The following MCTP2 variants were observed in gnomAD, a reference collection of about 807,000 sequenced individuals.
The protein encoded by MCTP2 is multiple C2 and transmembrane domain containing 2.
Under a neutral mutation model 111.6 loss-of-function variants are expected in MCTP2, and 132 were observed. The ratio of observed to expected loss-of-function variants is 1.18; its 90% CI spans 1.03 to 1.37. The LOEUF (loss-of-function observed/expected upper bound fraction) is 1.37, where lower values mean the gene tolerates loss of function less well. Ranked by LOEUF, MCTP2 falls within the 40% of genes most tolerant of loss-of-function variation. MCTP2 has a pLI of 0.00. For synonymous variants in MCTP2, 395 were observed against 387.7 expected, an observed-to-expected ratio of 1.02 and a Z score of -0.22; for missense variants, 1,183 against 1,067.9, an observed-to-expected ratio of 1.11 and a Z score of -1.50.
chr15:94,445,032 C>G (rs1378194325), intron 19 of MCTP2, among the ~76,000 whole-genome samples: 2 of 152,312 alleles, frequency 1.3e-5, no homozygotes, highest in African/African-American at 4.8e-5. Context: ...GTCTAGTCTA[C>G]CACTGATGTA....
At chr15:94,303,092 TTATATAGTTTATA>T (rs1482628478) in intron 2 of MCTP2, among the ~76,000 whole-genome samples, 10 of 21,148 alleles carry the variant, frequency 4.7e-4, no homozygotes, top group South Asian at 1.7e-3. Context: ...TATATATAGT[TTATATAGTTTATA>T]TATATATATA....
At chr15:94,345,710 A>G (rs1317366034) in intron 8 of MCTP2, among the ~76,000 whole-genome samples, 1 of 152,252 alleles carries the variant, frequency 6.6e-6, no homozygotes, top group African/African-American at 2.4e-5. Context: ...AGGCGCAAGA[A>G]TGCATTATTA....
At chr15:94,340,679 A>G (rs774398981) in intron 6 of MCTP2, 134 bp from the exon 7 acceptor site, 10 of 569,356 alleles carry the variant, frequency 1.8e-5, no homozygotes, top group Non-Finnish European at 2.8e-5. Flanking sequence ...TTTTCACTAA[A>G]TTTTGTGCTT....
At chr15:94,353,089 TG>T (rs1275239131) in intron 8 of MCTP2, among the ~76,000 whole-genome samples, 1 of 152,218 alleles carries the variant, frequency 6.6e-6, no homozygotes, top group East Asian at 1.9e-4. Context: ...ATACTTCTCC[TG>T]CCCTCCCTTT....
chr15:94,476,455 A>T, intron 21 of MCTP2: 1 of 289,954 alleles, frequency 3.4e-6, no homozygotes, highest in East Asian at 7.6e-5. Flanking sequence ...AGGAAAAGGC[A>T]TTTGTGAATG....
chr15:94,390,090 G>GTGTA (rs1333977961), intron 14 of MCTP2, among the ~76,000 whole-genome samples: 22 of 64,916 alleles, frequency 3.4e-4, no homozygotes, highest in African/African-American at 8.5e-4. Flanking sequence ...ATATATATAT[G>GTGTA]TATATATATA....
chr15:94,270,763 G>C (rs936104688), intron 1 of MCTP2, among the ~76,000 whole-genome samples: 1 of 152,136 alleles, frequency 6.6e-6, no homozygotes, highest in Non-Finnish European at 1.5e-5. Flanking sequence ...GTGTTTTCCT[G>C]ATGCATGATA....
Position 94,240,944 on chromosome 15 carries a change from A to C in MCTP2, c.-66+9280A>C, listed in dbSNP as rs541769633. 2.0e-5 allele frequency among the ~76,000 whole-genome samples: 3 copies of C among 152,342 alleles called. No homozygotes were observed. In the South Asian group the frequency reaches 6.2e-4, roughly 32 times the overall value. Reference sequence around the variant, plus strand: ...GAAAATTCTTGTGGTGCTATTGATTAGATCAAGGTACTTTTTTTGGTGTGT... The same window carrying C: ...GAAAATTCTTGTGGTGCTATTGATTCGATCAAGGTACTTTTTTTGGTGTGT... On this transcript the variant is annotated intron_variant, in intron 1 of 22. Coordinates refer to ENST00000357742, the MANE Select transcript of MCTP2 (RefSeq NM_001385001.1).
intron 19 of MCTP2, among the ~76,000 whole-genome samples, chr15:94,444,986 A>G (rs1246045410): frequency 6.6e-6 from 1 of 152,226 alleles, no homozygotes; most frequent in Non-Finnish European, 1.5e-5. Context: ...GGCAAGCAAC[A>G]AAATCAGGTC....
At chr15:94,392,205 A>G (rs982107923) in intron 14 of MCTP2, among the ~76,000 whole-genome samples, 2 of 151,762 alleles carry the variant, frequency 1.3e-5, no homozygotes, top group Non-Finnish European at 2.9e-5. Flanking sequence ...CCCTGTCTCC[A>G]CTAAAAAATA....
chr15:94,384,959 G>T (rs1390905250), intron 13 of MCTP2, among the ~76,000 whole-genome samples: 1 of 152,136 alleles, frequency 6.6e-6, no homozygotes, highest in Non-Finnish European at 1.5e-5. Context: ...TATATTTTTA[G>T]TATTTTGTGT....
intron 1 of MCTP2, among the ~76,000 whole-genome samples, chr15:94,245,673 C>T (rs1173407095): frequency 2.1e-5 from 3 of 141,914 alleles, no homozygotes; most frequent in Non-Finnish European, 4.6e-5. Context: ...TGTGTATATA[C>T]ATATGTATGT....
chr15:94,266,246 C>T (rs967551132), intron 1 of MCTP2, among the ~76,000 whole-genome samples: 1 of 152,212 alleles, frequency 6.6e-6, no homozygotes, highest in African/African-American at 2.4e-5. Flanking sequence ...GTGAGGGGGC[C>T]ACAGCCTCTT....
chr15:94,425,479 G>A (rs1365869699), intron 17 of MCTP2, among the ~76,000 whole-genome samples: 3 of 151,520 alleles, frequency 2.0e-5, no homozygotes, highest in Non-Finnish European at 4.4e-5. Flanking sequence ...GTAAGTCAGA[G>A]GCAAACTTAT....
intron 10 of MCTP2, among the ~76,000 whole-genome samples, chr15:94,365,638 G>C (rs1487086888): frequency 6.6e-6 from 1 of 152,014 alleles, no homozygotes; most frequent in Non-Finnish European, 1.5e-5. Flanking sequence ...ATTAATATCA[G>C]GTTCATTTTG....
intron 17 of MCTP2, among the ~76,000 whole-genome samples, chr15:94,404,379 G>A (rs2081786434): frequency 1.4e-5 from 2 of 146,248 alleles, no homozygotes; most frequent in Non-Finnish European, 3.0e-5. Context: ...TTGGCTCACT[G>A]CAACCCCTGC....
intron 7 of MCTP2, chr15:94,343,057 T>TAA (rs58839005): frequency 1.7e-5 from 2 of 115,528 alleles, no homozygotes; most frequent in Non-Finnish European, 4.0e-5. Flanking sequence ...TGTATATATA[T>TAA]AACATATATA....
intron 1 of MCTP2, among the ~76,000 whole-genome samples, chr15:94,294,033 A>G (rs1054687222): frequency 6.6e-6 from 1 of 152,254 alleles, no homozygotes; most frequent in Admixed American, 6.5e-5. Context: ...ACTGTCAGCA[A>G]CAAAAAGTTC....
chr15:94,439,701 C>T (rs2083667828), intron 17 of MCTP2, among the ~76,000 whole-genome samples: 1 of 152,064 alleles, frequency 6.6e-6, no homozygotes. Context: ...TTTCTTGTGT[C>T]CATATAGTCT....
Sources: gnomAD v4.1 joint callset for allele counts (sites outside exome capture counted in the v4.1 genomes callset) on GRCh38, gnomAD v4.1.1 for gene constraint, MANE v1.5 for transcripts, NCBI Gene and HGNC (gene_info 2026-07-23, HGNC 2026-07-21) for gene names.